PCDH11X: variants seen among roughly 807,000 people sequenced by gnomAD.
The protein encoded by PCDH11X is protocadherin 11 X-linked.
PCDH11X carries 18 observed loss-of-function variants against 53.3 expected under a neutral mutation model. The observed-to-expected ratio is 0.34, with a 90% CI of 0.23 to 0.50. The LOEUF (loss-of-function observed/expected upper bound fraction) is 0.50. Ranked by LOEUF, PCDH11X falls within the 20% of genes least tolerant of loss-of-function variation. The pLI is 0.98. For synonymous variants in PCDH11X, 279 were observed against 393.3 expected, an observed-to-expected ratio of 0.71 and a Z score of 3.44; for missense variants, 570 against 1,032.4, an observed-to-expected ratio of 0.55 and a Z score of 6.14.
intron 6 of PCDH11X, among the ~76,000 whole-genome samples, chrX:91,932,420 T>A (rs2061397293): frequency 2.2e-5 from 2 of 90,986 alleles, no homozygotes; most frequent in Admixed American, 1.2e-4. Context: ...AAAAAGGGAG[T>A]GAAAATAGGA....
chrX:92,189,382 C>T (rs980877349), intron 6 of PCDH11X, among the ~76,000 whole-genome samples: 7 of 111,672 alleles, frequency 6.3e-5, no homozygotes, highest in South Asian at 3.7e-4. Context: ...TTGCAAAGGA[C>T]GTGATCTTGT....
chrX:92,276,647 A>C (rs926240517), intron 8 of PCDH11X, among the ~76,000 whole-genome samples: 13 of 110,967 alleles, frequency 1.2e-4, no homozygotes, highest in African/African-American at 4.3e-4. Context: ...AGGAATTGCA[A>C]GTTTTTTCTA....
At chrX:92,241,758 A>C (rs2067265547) in intron 7 of PCDH11X, among the ~76,000 whole-genome samples, 1 of 111,810 alleles carries the variant, frequency 8.9e-6, no homozygotes, top group African/African-American at 3.2e-5. Context: ...TTGAACTCAA[A>C]ATAGTTTACA....
intron 1 of PCDH11X, among the ~76,000 whole-genome samples, chrX:91,782,501 A>T (rs746433566): frequency 3.7e-5 from 4 of 108,488 alleles, no homozygotes; most frequent in African/African-American, 6.9e-5. Flanking sequence ...CGGCCTCTTT[A>T]AAAAAAAACC....
At position 92,006,503 on chromosome X, in the gene PCDH11X, A is replaced by T. The variant is rs200027688; in HGVS notation, c.3033+127230A>T. ...GTTCAGTTTATCAGATAGAATTCTAAATTCCTTCTCTGTGTTATCTTGACC... is the reference window on the plus strand; with the variant it reads ...GTTCAGTTTATCAGATAGAATTCTATATTCCTTCTCTGTGTTATCTTGACC... On this transcript the variant is annotated intron_variant, in intron 6 of 10. Transcript: ENST00000682573. Among the ~76,000 whole-genome samples the T allele has an allele frequency of 3.0e-4, 33 of 110,534 alleles. No homozygotes were observed. The East Asian group carries it at 8.6e-3, about 29-fold the overall frequency.
chrX:92,005,163 G>A (rs149855696), intron 6 of PCDH11X, among the ~76,000 whole-genome samples: 3,256 of 110,536 alleles, frequency 0.029, 118 homozygotes, highest in African/African-American at 0.1. Context: ...TATGTCTTTC[G>A]ATTGGAGAAT....
chrX:92,103,389 G>GT lies in PCDH11X; in HGVS notation c.3034-97985dup, dbSNP rs1371821295. Among the ~76,000 whole-genome samples, 6 of 111,126 alleles carry GT rather than the reference G, an allele frequency of 5.4e-5. No individual in the cohort carries two copies. In the Admixed American group the frequency reaches 5.7e-4, roughly 11 times the overall value. On this transcript the variant is annotated intron_variant, in intron 6 of 10. Transcript: ENST00000682573. ...ACCCTTGAAAAGAAGGTAATGTGGA[G>GT]TGGGTAGCCTCCGTATTGATTAAGA...
rs568297880 is a variant in PCDH11X, at chrX:92,275,822, G to T, written c.3144+12679G>T. ...CTGTGGGATGGGATATTGGTGTTGA[G>T]CGGGGTAAGGGTGATTAGGTTTTAA... On this transcript the variant is annotated intron_variant, in intron 8 of 10. Coordinates refer to ENST00000682573, the MANE Select transcript of PCDH11X (RefSeq NM_032968.5). Among the ~76,000 whole-genome samples the T allele has an allele frequency of 6.3e-5, 7 of 111,031 alleles. No homozygotes were observed. The South Asian group carries it at 2.7e-3, about 43-fold the overall frequency.
At chrX:91,990,678 C>T (rs2062307322) in intron 6 of PCDH11X, among the ~76,000 whole-genome samples, 1 of 107,660 alleles carries the variant, frequency 9.3e-6, no homozygotes, top group Non-Finnish European at 1.9e-5. Flanking sequence ...CCCAATTTCC[C>T]ACTCAACTTC....
At chrX:91,802,162 T>C (rs1044608758) in intron 1 of PCDH11X, among the ~76,000 whole-genome samples, 7 of 113,256 alleles carry the variant, frequency 6.2e-5, no homozygotes, top group African/African-American at 1.9e-4. Flanking sequence ...TTGTTGGCAA[T>C]CTGTGTTCCC....
intron 6 of PCDH11X, among the ~76,000 whole-genome samples, chrX:92,037,517 C>T (rs1268425735): frequency 9.0e-6 from 1 of 111,503 alleles, no homozygotes; most frequent in Non-Finnish European, 1.9e-5. Context: ...CTGCAATAAA[C>T]ATAGTGTGCA....
At chrX:92,107,043 A>G (rs1293599406) in intron 6 of PCDH11X, among the ~76,000 whole-genome samples, 2 of 111,758 alleles carry the variant, frequency 1.8e-5, no homozygotes, top group Admixed American at 9.5e-5. Context: ...CTTAATCCAA[A>G]CATTCCTTTC....
chrX:91,983,636 A>C, intron 6 of PCDH11X: 3 of 344,410 alleles, frequency 8.7e-6, no homozygotes, highest in Non-Finnish European at 1.6e-5. Context: ...ATCTCGGGAG[A>C]CCCATTCACT....
intron 6 of PCDH11X, among the ~76,000 whole-genome samples, chrX:92,193,706 C>T (rs1021230408): frequency 1.8e-5 from 2 of 110,898 alleles, no homozygotes; most frequent in Non-Finnish European, 3.8e-5. Flanking sequence ...GTGAAAGATA[C>T]ACTTTTAAGT....
chrX:91,972,849 T>C (rs1277821306), intron 6 of PCDH11X, among the ~76,000 whole-genome samples: 1 of 111,429 alleles, frequency 9.0e-6, no homozygotes, highest in African/African-American at 3.3e-5. Context: ...AGCCTTGTAG[T>C]ATAGTTCAAC....
At chrX:92,221,614 A>C (rs1907677210) in intron 7 of PCDH11X, among the ~76,000 whole-genome samples, 1 of 111,960 alleles carries the variant, frequency 8.9e-6, no homozygotes, top group South Asian at 3.7e-4. Context: ...TATTATAAGC[A>C]AATTTGAGAG....
rs1356317849 is a variant in PCDH11X at position 92,542,153 on chromosome X, C to T, written c.3367+73831C>T. Among the ~76,000 whole-genome samples, 6 of 111,418 alleles carry T rather than the reference C, an allele frequency of 5.4e-5. No individual in the cohort carries two copies. In the East Asian group the frequency reaches 8.5e-4, roughly 16 times the overall value. ...GAAATTTGTAAATGTGATTAAATTTCGCTTAAAAATTCTTGAATTGAATAA... is the reference window on the plus strand; with the variant it reads ...GAAATTTGTAAATGTGATTAAATTTTGCTTAAAAATTCTTGAATTGAATAA... On this transcript the variant is annotated intron_variant, in intron 10 of 10. Coordinates refer to ENST00000682573, the MANE Select transcript of PCDH11X (RefSeq NM_032968.5).
chrX:92,494,238 A>C (rs2073822575), intron 10 of PCDH11X, among the ~76,000 whole-genome samples: 1 of 108,105 alleles, frequency 9.3e-6, no homozygotes, highest in South Asian at 4.2e-4. Flanking sequence ...GTTGTTTAGA[A>C]CATTTTATTT....
chrX:92,602,211 G>C (rs1006553875), intron 10 of PCDH11X, among the ~76,000 whole-genome samples: 3 of 111,513 alleles, frequency 2.7e-5, no homozygotes, highest in Non-Finnish European at 5.7e-5. Flanking sequence ...GCAAAGTATG[G>C]GGGAAGTTCA....
Sources: gnomAD v4.1 joint callset for allele counts (sites outside exome capture counted in the v4.1 genomes callset) on GRCh38, gnomAD v4.1.1 for gene constraint, MANE v1.5 for transcripts, NCBI Gene and HGNC (gene_info 2026-07-23, HGNC 2026-07-21) for gene names.